Variants in TP53BP2 observed in about 807,000 individuals in gnomAD.
The protein encoded by TP53BP2 is tumor protein p53 binding protein 2.
TP53BP2 carries 62 observed loss-of-function variants against 126.2 expected under a neutral mutation model. The observed-to-expected ratio is 0.49, with a 90% CI of 0.40 to 0.61. The LOEUF (loss-of-function observed/expected upper bound fraction) is 0.61. TP53BP2 is among the 20% of genes least tolerant of loss of function. The probability of loss-of-function intolerance (pLI) is 0.00; values close to 1 mark genes in which losing one functional copy is unlikely to be tolerated. For missense variants in TP53BP2, 1,215 were observed against 1,402.8 expected (o/e 0.87, Z 2.14); for synonymous variants, 485 against 502.9 (o/e 0.96, Z 0.48).
chr1:223,845,710 C>A lies in TP53BP2; in HGVS notation c.-30G>T. The A allele has an allele frequency of 6.5e-7, 1 of 1,530,414 alleles. No individual in the cohort carries two copies. The allele number at this position is 1,530,414 out of a possible 1,614,324, so 94.8% of individuals were successfully genotyped here. On this transcript the variant is annotated 5_prime_UTR_variant, in exon 1 of 18. Transcript: ENST00000343537. ...GCGGGTGGCCAGACTGCGGCCCCGG[C>A]CGAGCTGAGGTGCCCCGGAGGGTCG...
chr1:223,787,942 G>C (rs1388162844), intron 16 of TP53BP2, among the ~76,000 whole-genome samples: 2 of 152,080 alleles, frequency 1.3e-5, no homozygotes, highest in African/African-American at 4.8e-5. Context: ...GGTGGCAGGT[G>C]CCTGTGGTCC....
Position 223,795,957 on chromosome 1 carries a change from G to T in TP53BP2, c.2582C>A (p.Ala861Asp). The change falls in exon 13 of 18, where the codon GCT becomes GAT. Residue 861 changes from alanine to aspartate, a missense_variant. By Grantham distance (126) the Ala-to-Asp change is moderately radical. Transcript: ENST00000343537. ...CAGGTACACATCAAGCACATGTGGA[G>T]CCTCTGGATTTGGTTCTTCTGGGTT... ...QNNPEEPNPE[A>D]PHVLDVYLEE... 1 of 1,614,152 alleles carries T rather than the reference G, an allele frequency of 6.2e-7. No homozygotes were observed. Among genetic ancestry groups the T allele is most frequent in the Non-Finnish European group, 8.5e-7 (1 of 1,180,002 alleles).
intron 1 of TP53BP2, among the ~76,000 whole-genome samples, chr1:223,826,544 T>C (rs1361878213): frequency 1.3e-5 from 2 of 152,000 alleles, no homozygotes; most frequent in East Asian, 3.9e-4. Flanking sequence ...GAAGGGGAAA[T>C]GGGAAGTGAC....
intron 1 of TP53BP2, among the ~76,000 whole-genome samples, chr1:223,839,010 TTC>T (rs1418175728): frequency 2.8e-5 from 4 of 143,080 alleles, no homozygotes; most frequent in East Asian, 2.0e-4. Context: ...CTCCATTTTT[TTC>T]TTTTTTTTTT....
Position 223,802,358 on chromosome 1 carries a change from C to A in TP53BP2, c.997-14G>T. On this transcript the variant is annotated splice_polypyrimidine_tract_variant and intron_variant, in intron 8 of 17. Coordinates refer to ENST00000343537, the MANE Select transcript of TP53BP2 (RefSeq NM_001031685.3). ...ATCAGATGAAACCTTAGGAAAGAAGCACAGGTCCTTTAGTATTAAAAATCA... is the reference window on the plus strand; with the variant it reads ...ATCAGATGAAACCTTAGGAAAGAAGAACAGGTCCTTTAGTATTAAAAATCA... The A allele has an allele frequency of 6.2e-7, 1 of 1,610,616 alleles. No homozygotes were observed. Among genetic ancestry groups the A allele is most frequent in the Non-Finnish European group, 8.5e-7 (1 of 1,177,904 alleles).
intron 16 of TP53BP2, among the ~76,000 whole-genome samples, chr1:223,786,855 G>C (rs1228475): frequency 0.33 from 49,699 of 151,734 alleles, 12,451 homozygotes; most frequent in African/African-American, 0.71. Context: ...ATCTGCCCAC[G>C]TCGGCCTCCC....
In TP53BP2 at chr1:223,802,853, G is replaced by A; in HGVS notation, c.874C>T (p.Gln292Ter). The A allele has an allele frequency of 1.9e-6, 3 of 1,614,150 alleles. No individual in the cohort carries two copies. The highest frequency in any genetic ancestry group is 2.5e-6 in the Non-Finnish European group (3 of 1,180,016). The change falls in exon 8 of 18, where the codon CAA (glutamine) becomes TAA (stop). Residue 292 changes from glutamine (Q) to a stop codon, truncating the protein, a stop_gained. Transcript: ENST00000343537. LOFTEE classifies it high-confidence loss of function. ...LNQEQNAKLQ[Q>*]QRECLNKRNS... ...CGCTTATTCAAACACTCCCTCTGTT[G>A]TTGTAGCTTGGCATTCTGCTCTTGA...
chr1:223,810,714 T>C (rs1485667210), intron 3 of TP53BP2, among the ~76,000 whole-genome samples: 1 of 152,224 alleles, frequency 6.6e-6, no homozygotes, highest in East Asian at 1.9e-4. Flanking sequence ...GAACAGTGAA[T>C]ACTCAGCACT....
intron 2 of TP53BP2, among the ~76,000 whole-genome samples, chr1:223,819,541 G>C (rs1022107350): frequency 6.6e-6 from 1 of 151,574 alleles, no homozygotes; most frequent in African/African-American, 2.4e-5. Flanking sequence ...AAAAAATTAG[G>C]CGGGCATGGG....
At chr1:223,816,208 G>A (rs1663080318) in intron 2 of TP53BP2, among the ~76,000 whole-genome samples, 1 of 152,128 alleles carries the variant, frequency 6.6e-6, no homozygotes, top group Non-Finnish European at 1.5e-5. Context: ...GATACCTGAA[G>A]GCAACTTTCA....
At position 223,804,227 on chromosome 1, in the gene TP53BP2, A is replaced by T; in HGVS notation, c.596T>A (p.Val199Glu). 6.2e-7 allele frequency: 1 copy of T among 1,614,166 alleles called. No individual in the cohort carries two copies. The highest frequency in any genetic ancestry group is 8.5e-7 in the Non-Finnish European group (1 of 1,180,020). Residue 199 changes from valine (V) to glutamate (E), a missense_variant, in exon 6 of 18, where the codon GTG becomes GAG. Coordinates refer to ENST00000343537, the MANE Select transcript of TP53BP2 (RefSeq NM_001031685.3). ...TTCCACGTGGCCTTTAAGTGCTCTC[A>T]CTTTTTTTAGCTTAGCTTCCTGATT... ...AENQEAKLKK[V>E]RALKGHVEQK...
intron 7 of TP53BP2, 72 bp from the exon 8 acceptor site, chr1:223,802,967 G>A: frequency 6.8e-7 from 1 of 1,478,440 alleles, no homozygotes; most frequent in Non-Finnish European, 9.3e-7. Flanking sequence ...TAATCACATG[G>A]TTAACTATTA....
chr1:223,803,234 G>T, intron 7 of TP53BP2, 37 bp downstream of exon 7: 1 of 1,565,262 alleles, frequency 6.4e-7, no homozygotes, highest in East Asian at 2.3e-5. Flanking sequence ...TTCTGGAAAG[G>T]AGGTTGTACA....
chr1:223,822,660 C>CAA (rs397968382), intron 1 of TP53BP2, among the ~76,000 whole-genome samples: 28 of 114,786 alleles, frequency 2.4e-4, no homozygotes, highest in African/African-American at 7.8e-4. Context: ...GACCCTGACT[C>CAA]AAAAAAAAAA....
Position 223,804,244 on chromosome 1 carries a change from T to C in TP53BP2, c.579A>G (p.Glu193=), listed in dbSNP as rs748334827. ...KRLKEIAENQ[E]AKLKKVRALK... ...GTGCTCTCACTTTTTTTAGCTTAGC[T>C]TCCTGATTCTCAGCTATTTCTTTTA... The change falls in exon 6 of 18, where the codon GAA becomes GAG. Residue 193 remains glutamate (E), a synonymous_variant. Coordinates refer to ENST00000343537, the MANE Select transcript of TP53BP2 (RefSeq NM_001031685.3). 6.2e-7 allele frequency: 1 copy of C among 1,614,218 alleles called. No homozygotes were observed. The highest frequency in any genetic ancestry group is 8.5e-7 in the Non-Finnish European group (1 of 1,180,024).
At chr1:223,784,066 G>A (rs751923768) in intron 17 of TP53BP2, 49 bp downstream of exon 17, 1 of 1,550,912 alleles carries the variant, frequency 6.4e-7, no homozygotes, top group Non-Finnish European at 8.9e-7. Flanking sequence ...TTTTTACAAA[G>A]CCCCTCTCTG....
rs550621101 is a variant in TP53BP2, at chr1:223,835,754, C to T, written c.27+9900G>A. Among the ~76,000 whole-genome samples, 4 of 152,242 alleles carry T rather than the reference C, an allele frequency of 2.6e-5. No individual in the cohort carries two copies. In the South Asian group the frequency reaches 8.3e-4, roughly 32 times the overall value. ...TCCCTACAGTGTGCCAAACACTGTG[C>T]TAAGTGCTAGAAACACAAAGATGAA... On this transcript the variant is annotated intron_variant, in intron 1 of 17. Coordinates refer to ENST00000343537, the MANE Select transcript of TP53BP2 (RefSeq NM_001031685.3).
chr1:223,786,424 CTATGA>C (rs1354327596), intron 16 of TP53BP2, among the ~76,000 whole-genome samples: 1 of 152,080 alleles, frequency 6.6e-6, no homozygotes, highest in African/African-American at 2.4e-5. Context: ...ATCCTGGTAT[CTATGA>C]TATACTTCAT....
At chr1:223,782,288 G>A (rs1419561491) in intron 17 of TP53BP2, among the ~76,000 whole-genome samples, 1 of 152,112 alleles carries the variant, frequency 6.6e-6, no homozygotes, top group Non-Finnish European at 1.5e-5. Flanking sequence ...CAAGACTCAA[G>A]TAAGCAACTA....
Sources: allele counts gnomAD v4.1 joint callset (sites outside exome capture counted in the v4.1 genomes callset), GRCh38; gene constraint gnomAD v4.1.1; transcripts MANE v1.5; gene names NCBI Gene and HGNC (gene_info 2026-07-23, HGNC 2026-07-21).